The following ADAMTSL1 variants were observed in gnomAD, a reference collection of about 807,000 sequenced individuals.
The protein encoded by ADAMTSL1 is ADAMTS like 1.
ADAMTSL1 carries 126 observed loss-of-function variants against 201.8 expected under a neutral mutation model. The ratio of observed to expected loss-of-function variants is 0.62; its 90% confidence interval spans 0.54 to 0.72. ADAMTSL1 has a LOEUF of 0.72. ADAMTSL1 is among the 30% of genes least tolerant of loss of function. The probability of loss-of-function intolerance (pLI) is 0.00; values close to 1 mark genes in which losing one functional copy is unlikely to be tolerated. For synonymous variants in ADAMTSL1, 1,121 were observed against 903.4 expected, an observed-to-expected ratio of 1.24 and a Z score of -4.32; for missense variants, 2,679 against 2,277.8, an observed-to-expected ratio of 1.18 and a Z score of -3.59.
In ADAMTSL1 at chr9:18,662,061, C is replaced by G; in HGVS notation, c.1073C>G (p.Pro358Arg). Residue 358 changes from proline to arginine, a missense_variant, in exon 9 of 29, where the codon CCT becomes CGT. Physicochemically the swap from Pro to Arg is moderately radical, Grantham distance 103. Coordinates refer to ENST00000380548, the MANE Select transcript of ADAMTSL1 (RefSeq NM_001040272.6). Reference sequence around the variant, plus strand: ...AAGCTTCAGGAGTGCAACTTGGATCCTTGTCCAGCCAGGTCAGTCAAATTT... The same window carrying G: ...AAGCTTCAGGAGTGCAACTTGGATCGTTGTCCAGCCAGGTCAGTCAAATTT... ...KPKLQECNLD[P>R]CPASDGYKQI... 2.5e-6 allele frequency: 4 copies of G among 1,613,642 alleles called. No individual in the cohort carries two copies. The highest frequency in any genetic ancestry group is 3.4e-6 in the Non-Finnish European group (4 of 1,179,774).
At chr9:18,874,998 T>C (rs750115597) in intron 23 of ADAMTSL1, among the ~76,000 whole-genome samples, 2 of 152,106 alleles carry the variant, frequency 1.3e-5, no homozygotes, top group Admixed American at 6.6e-5. Flanking sequence ...TCTAGGAGGG[T>C]TGTATATTTC....
intron 2 of ADAMTSL1, among the ~76,000 whole-genome samples, chr9:18,448,503 T>C (rs1247051195): frequency 6.6e-6 from 1 of 152,148 alleles, no homozygotes; most frequent in Non-Finnish European, 1.5e-5. Context: ...TTAGAAAATA[T>C]CGACCACAGG....
intron 2 of ADAMTSL1, among the ~76,000 whole-genome samples, chr9:18,284,824 T>A (rs925088561): frequency 6.6e-6 from 1 of 152,248 alleles, no homozygotes; most frequent in African/African-American, 2.4e-5. Context: ...TATCTGATTT[T>A]TCTCAGCTAT....
chr9:18,351,267 A>C (rs933848515), intron 2 of ADAMTSL1, among the ~76,000 whole-genome samples: 1 of 151,058 alleles, frequency 6.6e-6, no homozygotes, highest in African/African-American at 2.4e-5. Flanking sequence ...AAAAAAAAGA[A>C]AAAAAAAAGA....
chr9:18,152,193 C>T (rs902533788), intron 1 of ADAMTSL1, among the ~76,000 whole-genome samples: 1 of 152,028 alleles, frequency 6.6e-6, no homozygotes, highest in Non-Finnish European at 1.5e-5. Flanking sequence ...CACCCAGGTC[C>T]TGTGACTCCA....
intron 7 of ADAMTSL1, among the ~76,000 whole-genome samples, chr9:18,654,155 G>T (rs1273321164): frequency 6.6e-6 from 1 of 152,246 alleles, no homozygotes; most frequent in Non-Finnish European, 1.5e-5. Context: ...CTTGAACCCA[G>T]GAGACAGAGG....
chr9:18,718,526 A>G (rs185535845), intron 14 of ADAMTSL1: 24 of 532,810 alleles, frequency 4.5e-5, no homozygotes, highest in African/African-American at 3.8e-4. Flanking sequence ...ATACTCATGC[A>G]TGATGCAAAC....
At chr9:18,860,161 A>ATCTT (rs1381352666) in intron 23 of ADAMTSL1, among the ~76,000 whole-genome samples, 1 of 152,216 alleles carries the variant, frequency 6.6e-6, no homozygotes, top group Non-Finnish European at 1.5e-5. Flanking sequence ...AACAAGTTGG[A>ATCTT]TCTTTTAATT....
chr9:18,551,752 C>T (rs1820811679), intron 3 of ADAMTSL1, among the ~76,000 whole-genome samples: 1 of 151,772 alleles, frequency 6.6e-6, no homozygotes, highest in South Asian at 2.1e-4. Flanking sequence ...TATATGTAAA[C>T]ATGTAGGTCA....
intron 13 of ADAMTSL1, among the ~76,000 whole-genome samples, chr9:18,692,928 A>C (rs1831320519): frequency 1.3e-5 from 2 of 152,250 alleles, no homozygotes. Flanking sequence ...CAGAAAAGCA[A>C]AGAGAAAGAA....
intron 1 of ADAMTSL1, among the ~76,000 whole-genome samples, chr9:18,073,744 G>T (rs1823068491): frequency 6.6e-6 from 1 of 152,184 alleles, no homozygotes; most frequent in Non-Finnish European, 1.5e-5. Flanking sequence ...TCTGGCAAGG[G>T]ATTAAAAATA....
intron 7 of ADAMTSL1, among the ~76,000 whole-genome samples, chr9:18,654,948 G>A (rs1052635882): frequency 6.6e-6 from 1 of 152,208 alleles, no homozygotes; most frequent in Non-Finnish European, 1.5e-5. Flanking sequence ...GTTCACCTGT[G>A]GCTTCCTTTT....
intron 2 of ADAMTSL1, among the ~76,000 whole-genome samples, chr9:18,393,095 T>C (rs767806772): frequency 7.9e-5 from 12 of 152,208 alleles, no homozygotes; most frequent in Non-Finnish European, 1.8e-4. Context: ...TTGAGTATAC[T>C]ACTCAGGTTA....
chr9:18,853,205 G>T (rs1485136398), intron 23 of ADAMTSL1, among the ~76,000 whole-genome samples: 1 of 152,146 alleles, frequency 6.6e-6, no homozygotes, highest in Non-Finnish European at 1.5e-5. Context: ...GTGAGAATTA[G>T]ACATCTCTCC....
chr9:17,907,701 C>G (rs1042622520), intron 1 of ADAMTSL1, among the ~76,000 whole-genome samples: 31 of 152,162 alleles, frequency 2.0e-4, no homozygotes, highest in Non-Finnish European at 4.1e-4. Context: ...GGTTTATTAT[C>G]ACAAGACTTG....
chr9:18,645,401 C>A (rs1328918175), intron 7 of ADAMTSL1, among the ~76,000 whole-genome samples: 2 of 151,970 alleles, frequency 1.3e-5, no homozygotes, highest in Non-Finnish European at 2.9e-5. Flanking sequence ...AATTAGATCC[C>A]ATTTGTCAGT....
intron 1 of ADAMTSL1, among the ~76,000 whole-genome samples, chr9:18,048,837 A>G (rs1328774538): frequency 6.6e-6 from 1 of 152,124 alleles, no homozygotes; most frequent in Non-Finnish European, 1.5e-5. Flanking sequence ...TCTATTACTC[A>G]GGGCTGCTAT....
chr9:18,008,880 T>G (rs1448611820), intron 1 of ADAMTSL1, among the ~76,000 whole-genome samples: 1 of 151,990 alleles, frequency 6.6e-6, no homozygotes, highest in Non-Finnish European at 1.5e-5. Flanking sequence ...TGAACAAAAA[T>G]GAAGACTACC....
chr9:18,185,487 G>A (rs915667974), intron 2 of ADAMTSL1, among the ~76,000 whole-genome samples: 1 of 152,072 alleles, frequency 6.6e-6, no homozygotes, highest in Non-Finnish European at 1.5e-5. Flanking sequence ...CAGAAACTGT[G>A]AATTTATAAA....
Sources: gnomAD v4.1 joint callset for allele counts (sites outside exome capture counted in the v4.1 genomes callset) on GRCh38, gnomAD v4.1.1 for gene constraint, MANE v1.5 for transcripts, NCBI Gene and HGNC (gene_info 2026-07-23, HGNC 2026-07-21) for gene names.